The following ITFG1 variants were observed in gnomAD, a reference collection of about 807,000 sequenced individuals.
The protein encoded by ITFG1 is T-cell immunomodulatory protein.
In ITFG1, 34 loss-of-function variants were observed where a neutral mutation model predicts 81.8. The observed-to-expected ratio is 0.42, with a 90% confidence interval of 0.32 to 0.55. The LOEUF (loss-of-function observed/expected upper bound fraction) is 0.55, where lower values mean the gene tolerates loss of function less well. Ranked by LOEUF, ITFG1 falls within the 20% of genes least tolerant of loss-of-function variation. The probability of loss-of-function intolerance (pLI) is 0.17; values close to 1 mark genes in which losing one functional copy is unlikely to be tolerated. For synonymous variants in ITFG1, 285 were observed against 270.6 expected (o/e 1.05, Z -0.52); for missense variants, 672 against 755.4 (o/e 0.89, Z 1.29).
At chr16:47,275,868 A>G (rs1185510381) in intron 10 of ITFG1, among the ~76,000 whole-genome samples, 1 of 152,148 alleles carries the variant, frequency 6.6e-6, no homozygotes, top group Non-Finnish European at 1.5e-5. Context: ...CTAAATTGCT[A>G]TAATCTGTGA....
At chr16:47,319,496 A>G (rs1396530643) in intron 8 of ITFG1, among the ~76,000 whole-genome samples, 1 of 152,184 alleles carries the variant, frequency 6.6e-6, no homozygotes. Flanking sequence ...TAATCTCACC[A>G]CTGCTTTTCG....
intron 10 of ITFG1, among the ~76,000 whole-genome samples, chr16:47,292,717 T>C (rs1302027193): frequency 6.6e-6 from 1 of 152,216 alleles, no homozygotes; most frequent in Non-Finnish European, 1.5e-5. Context: ...ATGTCCATTC[T>C]GCACACTAGA....
intron 7 of ITFG1, among the ~76,000 whole-genome samples, chr16:47,372,250 A>C (rs952830722): frequency 4.0e-5 from 6 of 151,828 alleles, no homozygotes; most frequent in African/African-American, 1.5e-4. Flanking sequence ...TTTTTAAAAA[A>C]ATTTTTAATA....
intron 12 of ITFG1, among the ~76,000 whole-genome samples, chr16:47,242,916 C>T (rs376373631): frequency 6.6e-6 from 1 of 152,060 alleles, no homozygotes; most frequent in Non-Finnish European, 1.5e-5. Context: ...TCTGGATCTG[C>T]GTGTAATTGC....
intron 6 of ITFG1, among the ~76,000 whole-genome samples, chr16:47,378,031 C>T (rs1968349151): frequency 6.6e-6 from 1 of 152,122 alleles, no homozygotes; most frequent in African/African-American, 2.4e-5. Flanking sequence ...GACTACTGTA[C>T]TAAGTATGTT....
At chr16:47,363,007 C>A (rs140260471) in intron 8 of ITFG1, among the ~76,000 whole-genome samples, 2,613 of 152,230 alleles carry the variant, frequency 0.017, 77 homozygotes, top group African/African-American at 0.06. Context: ...AGTGATCCTC[C>A]CACATCAGTC....
chr16:47,326,692 A>T (rs1412941422), intron 8 of ITFG1, among the ~76,000 whole-genome samples: 2 of 152,206 alleles, frequency 1.3e-5, no homozygotes, highest in Admixed American at 6.5e-5. Context: ...AGACAAACAG[A>T]GAGTCAAATC....
intron 6 of ITFG1, among the ~76,000 whole-genome samples, chr16:47,389,741 G>T (rs1270935417): frequency 2.0e-5 from 3 of 152,154 alleles, no homozygotes; most frequent in Non-Finnish European, 2.9e-5. Context: ...AGTAGATTCT[G>T]ATAAGATATA....
At chr16:47,203,888 G>A (rs1965459533) in intron 14 of ITFG1, among the ~76,000 whole-genome samples, 1 of 152,146 alleles carries the variant, frequency 6.6e-6, no homozygotes. Flanking sequence ...AGGGAAATGG[G>A]GAGTTAGCGT....
At chr16:47,401,637 A>G (rs1968663023) in intron 6 of ITFG1, among the ~76,000 whole-genome samples, 1 of 152,204 alleles carries the variant, frequency 6.6e-6, no homozygotes, top group Admixed American at 6.5e-5. Flanking sequence ...TGTCTGAAAC[A>G]AGGTGGAGGT....
At chr16:47,370,075 C>A (rs186068591) in intron 7 of ITFG1, among the ~76,000 whole-genome samples, 12 of 151,990 alleles carry the variant, frequency 7.9e-5, no homozygotes, top group Non-Finnish European at 1.8e-4. Context: ...CTCCTGACCT[C>A]GTGATCCACC....
intron 8 of ITFG1, among the ~76,000 whole-genome samples, chr16:47,326,034 T>C (rs894785658): frequency 2.6e-5 from 4 of 152,152 alleles, no homozygotes; most frequent in African/African-American, 9.6e-5. Flanking sequence ...AAGAGAATTT[T>C]AGACCAATAT....
At chr16:47,336,648 GA>G (rs1463180255) in intron 8 of ITFG1, among the ~76,000 whole-genome samples, 1 of 152,142 alleles carries the variant, frequency 6.6e-6, no homozygotes, top group Non-Finnish European at 1.5e-5. Context: ...AGGCACTGGA[GA>G]AAAAGCTAAG....
In ITFG1 at chr16:47,291,173, T is replaced by C. The variant is rs1966900721; in HGVS notation, c.1070+20067A>G. 2.0e-5 allele frequency among the ~76,000 whole-genome samples: 3 copies of C among 152,186 alleles called. No individual in the cohort carries two copies. In the South Asian group the frequency reaches 6.2e-4, roughly 32 times the overall value. ...TTATAGTATTCTTTGGTTTTTACAGTTACAGTATTCTCGGTCGTATCATGT... is the reference window on the plus strand; with the variant it reads ...TTATAGTATTCTTTGGTTTTTACAGCTACAGTATTCTCGGTCGTATCATGT... On this transcript the variant is annotated intron_variant, in intron 10 of 17. Transcript: ENST00000320640.
chr16:47,253,081 T>C (rs1258840152), intron 12 of ITFG1, among the ~76,000 whole-genome samples: 2 of 152,134 alleles, frequency 1.3e-5, no homozygotes, highest in African/African-American at 4.8e-5. Flanking sequence ...GGGTCTCAGC[T>C]TGGAGATGTG....
At chr16:47,196,936 A>G (rs991455231) in intron 14 of ITFG1, among the ~76,000 whole-genome samples, 5 of 152,164 alleles carry the variant, frequency 3.3e-5, no homozygotes, top group African/African-American at 1.2e-4. Context: ...TCTCAAAAAA[A>G]CAAAACAAAA....
intron 14 of ITFG1, among the ~76,000 whole-genome samples, chr16:47,203,962 T>G (rs1261398218): frequency 6.6e-6 from 1 of 152,180 alleles, no homozygotes; most frequent in Non-Finnish European, 1.5e-5. Flanking sequence ...ATGGTGATGG[T>G]TGCACACAGT....
At chr16:47,234,332 A>T (rs1965848480) in intron 13 of ITFG1, among the ~76,000 whole-genome samples, 2 of 152,164 alleles carry the variant, frequency 1.3e-5, no homozygotes, top group Non-Finnish European at 2.9e-5. Context: ...AAATAGAAAT[A>T]AAAAAACTGT....
Position 47,397,196 on chromosome 16 carries a change from G to A in ITFG1, c.656-21256C>T, listed in dbSNP as rs187027198. 1.5e-4 allele frequency among the ~76,000 whole-genome samples: 23 copies of A among 152,242 alleles called. No individual in the cohort carries two copies. In the East Asian group the frequency reaches 3.3e-3, roughly 22 times the overall value. On this transcript the variant is annotated intron_variant, in intron 6 of 17. Transcript: ENST00000320640. ...GGCATATTCCATTAGAGGCAGCTAC[G>A]GGGGATGCTTCCACAACTGTGAAAG...
Sources: allele counts gnomAD v4.1 joint callset (sites outside exome capture counted in the v4.1 genomes callset), GRCh38; gene constraint gnomAD v4.1.1; transcripts MANE v1.5; gene names NCBI Gene and HGNC (gene_info 2026-07-23, HGNC 2026-07-21).